The following UPF2 variants were observed in gnomAD, a reference collection of about 807,000 sequenced individuals.
UPF2 encodes regulator of nonsense transcripts 2.
In UPF2, 17 loss-of-function variants were observed where a neutral mutation model predicts 141.4. The ratio of observed to expected loss-of-function variants is 0.12; its 90% CI spans 0.08 to 0.18. The LOEUF (loss-of-function observed/expected upper bound fraction) is 0.18. UPF2 is among the 10% of genes least tolerant of loss of function. UPF2 has a pLI of 1.00. For missense variants in UPF2, 1,152 were observed against 1,515.9 expected, an observed-to-expected ratio of 0.76 and a Z score of 3.99; for synonymous variants, 540 against 498.0, an observed-to-expected ratio of 1.08 and a Z score of -1.12.
chr10:11,980,550 T>G lies in UPF2; in HGVS notation c.1845-1385A>C, dbSNP rs193286488. Among the ~76,000 whole-genome samples the G allele has an allele frequency of 7.2e-5, 11 of 151,918 alleles. No homozygotes were observed. The highest frequency in any genetic ancestry group is 2.7e-4 in the African/African-American group (11 of 41,358). Reference sequence around the variant, plus strand: ...CACCTGGAGACCAGCCTGGCCAATATGGTGAAACCCCATCTCTACCAAAAA... The same window carrying G: ...CACCTGGAGACCAGCCTGGCCAATAGGGTGAAACCCCATCTCTACCAAAAA... On this transcript the variant is annotated intron_variant, in intron 8 of 21. Coordinates refer to ENST00000357604, the MANE Select transcript of UPF2 (RefSeq NM_015542.4). The surrounding 1 kb of genome is among the most constrained non-coding windows in gnomAD (Gnocchi z 4.2).
intron 3 of UPF2, among the ~76,000 whole-genome samples, chr10:12,020,408 C>T (rs935517276): frequency 1.3e-5 from 2 of 152,082 alleles, no homozygotes; most frequent in Admixed American, 6.6e-5. Flanking sequence ...TGCGCCACTA[C>T]GCCCGGCTAA....
At chr10:12,025,268 T>C (rs11591462) in intron 3 of UPF2, among the ~76,000 whole-genome samples, 7,957 of 152,134 alleles carry the variant, frequency 0.052, 281 homozygotes, top group Non-Finnish European at 0.08. Context: ...AAGGCTATGA[T>C]GGCCAGGCAC....
chr10:11,926,777 G>C (rs929319924), intron 21 of UPF2, among the ~76,000 whole-genome samples: 1 of 152,220 alleles, frequency 6.6e-6, no homozygotes, highest in Non-Finnish European at 1.5e-5. Context: ...ACTTGGCAGG[G>C]GTAAGCCACC....
At chr10:11,984,526 C>G (rs546266548) in intron 8 of UPF2, among the ~76,000 whole-genome samples, 24 of 152,128 alleles carry the variant, frequency 1.6e-4, no homozygotes, top group Non-Finnish European at 3.4e-4. Context: ...TGTGATAAAA[C>G]AGCATCAAAT....
At chr10:11,983,458 C>T (rs1016988914) in intron 8 of UPF2, among the ~76,000 whole-genome samples, 6 of 152,044 alleles carry the variant, frequency 3.9e-5, no homozygotes, top group Non-Finnish European at 7.4e-5. Flanking sequence ...CTGCAAGTTC[C>T]GCCTCCTGGG....
At chr10:12,026,138 T>C (rs888593523) in intron 3 of UPF2, among the ~76,000 whole-genome samples, 1 of 152,076 alleles carries the variant, frequency 6.6e-6, no homozygotes, top group Non-Finnish European at 1.5e-5. Context: ...AAAGCTTTCA[T>C]AAAGCTAAAA....
chr10:11,942,736 T>G lies in UPF2; in HGVS notation c.3307A>C (p.Lys1103Gln). 1.2e-6 allele frequency: 2 copies of G among 1,613,974 alleles called. No individual in the cohort carries two copies. Among genetic ancestry groups the G allele is most frequent in the Non-Finnish European group, 1.7e-6 (2 of 1,179,940 alleles). The change falls in exon 18 of 22, where the codon AAG becomes CAG. Residue 1103 changes from lysine (K) to glutamine (Q), a missense_variant. By Grantham distance (53) the Lys-to-Gln change is moderately conservative. This residue lies in a region of UPF2 where 202 missense variants were observed against 223.6 expected (regional missense o/e 0.90). Coordinates refer to ENST00000357604, the MANE Select transcript of UPF2 (RefSeq NM_015542.4). ...TEVMIKGGGLKHVPCVEDEDF... is the reference protein window; with the variant it reads ...TEVMIKGGGLQHVPCVEDEDF... The stretch of plus-strand genomic sequence containing the variant: ...TCATCTTCTACACAAGGTACATGCT[T>G]AAGTCCACCGCCTTTAATCATTACC...
At position 11,936,835 on chromosome 10, in the gene UPF2, A is replaced by C; in HGVS notation, c.3379-123T>G. The C allele has an allele frequency of 1.1e-6, 1 of 942,404 alleles. No homozygotes were observed. The highest frequency in any genetic ancestry group is 1.5e-6 in the Non-Finnish European group (1 of 670,018). 58.4% of individuals were successfully genotyped at this position (942,404 alleles called of 1,614,324 possible). A position where few individuals can be genotyped will look rare whatever the true frequency, so the allele number is the denominator to read the frequency against. The stretch of plus-strand genomic sequence containing the variant: ...ACACAACAATCATAAGAGCCATAAC[A>C]GTCAACAATTACAACCACCATAATA... On this transcript the variant is annotated intron_variant, in intron 18 of 21. Transcript: ENST00000357604. This position sits in a 1 kb window ranked among gnomAD's most constrained non-coding sequence, Gnocchi z 6.6.
rs773488246 is a variant in UPF2 at position 11,943,064 on chromosome 10, A to G, written c.3279T>C (p.Thr1093=). The change falls in exon 17 of 22, where the codon ACT becomes ACC. Residue 1093 remains threonine (T), a splice_region_variant and synonymous_variant. Transcript: ENST00000357604. ...NKENETDEEN[T]EVMIKGGGLK... ...AAGTAAATTTTTCAGCCATACGTAC[A>G]GTATTCTCTTCATCGGTTTCATTTT... 6.2e-6 allele frequency: 10 copies of G among 1,604,484 alleles called. No individual in the cohort carries two copies. The African/African-American group carries it at 8.0e-5, about 13-fold the overall frequency.
chr10:12,039,441 T>C (rs868099401), intron 1 of UPF2, among the ~76,000 whole-genome samples: 1 of 152,170 alleles, frequency 6.6e-6, no homozygotes, highest in Non-Finnish European at 1.5e-5. Context: ...CTGAAACATA[T>C]GGGGACAATT....
intron 5 of UPF2, among the ~76,000 whole-genome samples, chr10:12,002,693 C>G (rs1833972789): frequency 1.3e-5 from 2 of 151,990 alleles, no homozygotes; most frequent in South Asian, 4.2e-4. Flanking sequence ...AGGAAAATGG[C>G]CAGTAACTGG....
intron 8 of UPF2, among the ~76,000 whole-genome samples, chr10:11,993,803 G>A (rs933159000): frequency 2.6e-5 from 4 of 150,970 alleles, no homozygotes; most frequent in Non-Finnish European, 4.4e-5. Flanking sequence ...ACAAGACCTC[G>A]ACCCTACCAA....
Position 12,029,475 on chromosome 10 carries a change from G to A in UPF2, c.415C>T (p.His139Tyr), listed in dbSNP as rs1317514475. Residue 139 changes from histidine (H) to tyrosine (Y), a missense_variant, in exon 3 of 22, where the codon CAT becomes TAT. Coordinates refer to ENST00000357604, the MANE Select transcript of UPF2 (RefSeq NM_015542.4). ...TTGCTACGAAGTTCCTTTCTTAAAT[G>A]ATGTCGTTCCCAAGCTTCCTGATGA... ...QLHQEAWERH[H>Y]LRKELRSKNQ... is the part of the protein sequence containing the mutation. The A allele has an allele frequency of 6.2e-7, 1 of 1,609,546 alleles. No homozygotes were observed. Among genetic ancestry groups the A allele is most frequent in the African/African-American group, 1.3e-5 (1 of 74,628 alleles).
chr10:11,964,317 G>A (rs375407295), intron 10 of UPF2, among the ~76,000 whole-genome samples, 192 bp from the exon 11 acceptor site: 4 of 152,176 alleles, frequency 2.6e-5, no homozygotes, highest in Admixed American at 2.0e-4. Flanking sequence ...TATATTTGAC[G>A]TCTTTCACAG....
intron 3 of UPF2, among the ~76,000 whole-genome samples, chr10:12,020,861 T>A (rs1161957596): frequency 6.6e-6 from 1 of 152,226 alleles, no homozygotes; most frequent in African/African-American, 2.4e-5. Flanking sequence ...TATTGGACTA[T>A]GCTGCCTTTC....
chr10:11,924,192 ATT>A (rs1357334086), intron 21 of UPF2, among the ~76,000 whole-genome samples: 1 of 152,234 alleles, frequency 6.6e-6, no homozygotes, highest in Non-Finnish European at 1.5e-5. Context: ...AAGGGCTGAA[ATT>A]TTAATTTATG....
intron 15 of UPF2, among the ~76,000 whole-genome samples, chr10:11,951,143 A>G (rs1588533543): frequency 1.3e-5 from 2 of 151,988 alleles, no homozygotes; most frequent in African/African-American, 4.8e-5. Context: ...GCTCACTCCA[A>G]CCTCCGTCTC....
At chr10:12,012,755 C>T (rs1249281641) in intron 4 of UPF2, among the ~76,000 whole-genome samples, 1 of 147,444 alleles carries the variant, frequency 6.8e-6, no homozygotes, top group Non-Finnish European at 1.5e-5. Flanking sequence ...GCAGAGACCG[C>T]ACCACTGCAT....
chr10:11,941,479 A>G (rs910334626), intron 18 of UPF2, among the ~76,000 whole-genome samples: 2 of 152,204 alleles, frequency 1.3e-5, no homozygotes, highest in Non-Finnish European at 2.9e-5. Context: ...TGGCTGTAGC[A>G]GCATCAAGGA....
Sources: allele counts gnomAD v4.1 joint callset (sites outside exome capture counted in the v4.1 genomes callset), GRCh38; gene constraint gnomAD v4.1.1; regional missense constraint gnomAD v4.1.1; non-coding constraint Gnocchi (gnomAD v3.1); transcripts MANE v1.5; gene names NCBI Gene and HGNC (gene_info 2026-07-23, HGNC 2026-07-21).